Variants in NFIA observed in about 807,000 individuals in gnomAD.
The protein encoded by NFIA is nuclear factor 1 A-type.
In NFIA, 8 loss-of-function variants were observed where a neutral mutation model predicts 62.8. The ratio of observed to expected loss-of-function variants is 0.13; its 90% CI spans 0.07 to 0.23. The LOEUF (loss-of-function observed/expected upper bound fraction) is 0.23. Among genes scored for constraint, NFIA ranks in the 10% least tolerant of loss-of-function variants. The pLI is 1.00. For synonymous variants in NFIA, 235 were observed against 238.1 expected (o/e 0.99, Z 0.12); for missense variants, 410 against 642.1 (o/e 0.64, Z 3.91).
chr1:61,376,220 G>A (rs998614046), intron 6 of NFIA, among the ~76,000 whole-genome samples: 4 of 152,062 alleles, frequency 2.6e-5, no homozygotes, highest in African/African-American at 9.7e-5. Flanking sequence ...GTGTGTTATA[G>A]CCTCTGGTTA....
intron 2 of NFIA, among the ~76,000 whole-genome samples, chr1:61,146,236 T>C (rs1647963363): frequency 6.6e-6 from 1 of 152,158 alleles, no homozygotes; most frequent in Non-Finnish European, 1.5e-5. Context: ...GCCTGAATAA[T>C]CCAGGGTAAT....
chr1:61,403,958 TCAGACCTATC>T, intron 7 of NFIA, 136 bp from the exon 8 acceptor site: 1 of 875,342 alleles, frequency 1.1e-6, no homozygotes, highest in Admixed American at 2.6e-5. Context: ...AGAAAATCTG[TCAGACCTATC>T]CAGTGTTAAA....
chr1:61,177,455 T>C (rs984487827), intron 2 of NFIA, among the ~76,000 whole-genome samples: 1 of 152,198 alleles, frequency 6.6e-6, no homozygotes, highest in Non-Finnish European at 1.5e-5. Context: ...TGTCTAACAC[T>C]TTCCCATTTA....
intron 2 of NFIA, among the ~76,000 whole-genome samples, chr1:61,219,722 A>AAAAAAG (rs796341948): frequency 3.4e-5 from 5 of 148,974 alleles, no homozygotes; most frequent in African/African-American, 7.6e-5. Flanking sequence ...TCAAAAAAAA[A>AAAAAAG]AAAAGAAAAA....
intron 7 of NFIA, among the ~76,000 whole-genome samples, chr1:61,384,875 G>A (rs557208742): frequency 1.9e-4 from 29 of 152,230 alleles, no homozygotes; most frequent in Admixed American, 3.9e-4. Flanking sequence ...GGGACCAGTG[G>A]TTCCTGTCCT....
chr1:61,154,280 C>T (rs939102117), intron 2 of NFIA, among the ~76,000 whole-genome samples: 1 of 152,094 alleles, frequency 6.6e-6, no homozygotes, highest in Admixed American at 6.5e-5. Context: ...CTCAGCCTTC[C>T]GAGTAGCTGA....
chr1:61,317,684 C>G (rs1170228790), intron 3 of NFIA, among the ~76,000 whole-genome samples: 1 of 151,840 alleles, frequency 6.6e-6, no homozygotes, highest in East Asian at 1.9e-4. Context: ...TTATAGACAA[C>G]TTTTATAAGA....
At chr1:61,149,740 A>G (rs2100518917) in intron 2 of NFIA, among the ~76,000 whole-genome samples, 1 of 152,236 alleles carries the variant, frequency 6.6e-6, no homozygotes, top group Non-Finnish European at 1.5e-5. Flanking sequence ...CTGTTTTTTC[A>G]TTTGTAAAAT....
intron 7 of NFIA, among the ~76,000 whole-genome samples, chr1:61,403,873 G>C (rs1665688545): frequency 6.6e-6 from 1 of 152,138 alleles, no homozygotes; most frequent in South Asian, 2.1e-4. Context: ...TATAACTCAT[G>C]TCCACTGAAA....
At chr1:61,082,545 T>C (rs1038531704), upstream of NFIA, 13 of 1,432,826 alleles carry the variant, frequency 9.1e-6, no homozygotes, top group Middle Eastern at 2.6e-4. Context: ...TAGTGGAGTG[T>C]AGGGAAACTC....
chr1:61,229,759 C>T (rs1654553705), intron 2 of NFIA, among the ~76,000 whole-genome samples: 1 of 152,140 alleles, frequency 6.6e-6, no homozygotes, highest in African/African-American at 2.4e-5. Flanking sequence ...GGTGTGAAAA[C>T]CTTACTAAAA....
chr1:61,179,398 T>C (rs1227060720), intron 2 of NFIA, among the ~76,000 whole-genome samples: 1 of 152,228 alleles, frequency 6.6e-6, no homozygotes, highest in Non-Finnish European at 1.5e-5. Context: ...ACTTACTAGC[T>C]GTATGCTGGG....
chr1:61,433,311 G>T (rs1307734087), intron 10 of NFIA, among the ~76,000 whole-genome samples: 1 of 152,178 alleles, frequency 6.6e-6, no homozygotes, highest in African/African-American at 2.4e-5. Flanking sequence ...ATATTAGTCT[G>T]CATCTGTGGG....
chr1:61,140,965 G>GTTTT (rs35173386), intron 2 of NFIA, among the ~76,000 whole-genome samples: 22 of 88,630 alleles, frequency 2.5e-4, no homozygotes, highest in Admixed American at 4.6e-4. Flanking sequence ...CCACAGCTGG[G>GTTTT]TTTTTTTTTT....
Position 61,364,791 on chromosome 1 carries a change from A to AT in NFIA, c.946+5519dup, listed in dbSNP as rs199589460. ...AACCTCCCTGACTTACCTGTGAAAA[A>AT]TTCAGATTTCCATACCAAATGTTCT... On this transcript the variant is annotated intron_variant, in intron 6 of 10. Transcript: ENST00000403491. 1.0e-2 allele frequency among the ~76,000 whole-genome samples: 1,516 copies of AT among 152,286 alleles called. 29 individuals are homozygous for AT. The highest frequency in any genetic ancestry group is 0.059 in the Admixed American group (903 of 15,284).
rs551577433 is a variant in NFIA at position 61,200,336 on chromosome 1, A to G, written c.560-77184A>G. Among the ~76,000 whole-genome samples the G allele has an allele frequency of 6.6e-5, 10 of 151,912 alleles. No individual in the cohort carries two copies. In the South Asian group the frequency reaches 1.9e-3, roughly 28 times the overall value. On this transcript the variant is annotated intron_variant, in intron 2 of 10. Coordinates refer to ENST00000403491, the MANE Select transcript of NFIA (RefSeq NM_001134673.4). ...AGTTAATCCATGTAAAACACTTAGA[A>G]TCTTCCTCCTGGACTATTGAAAGTA...
At chr1:61,341,471 A>G (rs1172343402) in intron 4 of NFIA, among the ~76,000 whole-genome samples, 1 of 151,950 alleles carries the variant, frequency 6.6e-6, no homozygotes, top group African/African-American at 2.4e-5. Context: ...GTCATTACTG[A>G]CAATGTGGTT....
intron 2 of NFIA, among the ~76,000 whole-genome samples, chr1:61,156,638 A>G (rs1648836105): frequency 6.6e-6 from 1 of 152,204 alleles, no homozygotes; most frequent in African/African-American, 2.4e-5. Context: ...CCGAAAATAC[A>G]TAGTTCTGTC....
chr1:61,105,011 T>C (rs923574475), intron 2 of NFIA, among the ~76,000 whole-genome samples: 1 of 151,984 alleles, frequency 6.6e-6, no homozygotes, highest in Non-Finnish European at 1.5e-5. Context: ...GAGAAAATAG[T>C]GTACCAGTGC....
Sources: allele counts gnomAD v4.1 joint callset (sites outside exome capture counted in the v4.1 genomes callset), GRCh38; gene constraint gnomAD v4.1.1; transcripts MANE v1.5; gene names NCBI Gene and HGNC (gene_info 2026-07-23, HGNC 2026-07-21).